The following MYH13 variants were observed in gnomAD, a reference collection of about 807,000 sequenced individuals.
The protein encoded by MYH13 is myosin-13.
In MYH13, 177 loss-of-function variants were observed where a neutral mutation model predicts 232.1. The observed-to-expected ratio is 0.76, with a 90% CI of 0.67 to 0.86. The LOEUF (loss-of-function observed/expected upper bound fraction) is 0.86, where lower values mean the gene tolerates loss of function less well. Ranked by LOEUF, MYH13 falls within the 40% of genes least tolerant of loss-of-function variation. The pLI, the probability that MYH13 is intolerant of heterozygous loss-of-function variation, is 0.00. For synonymous variants in MYH13, 884 were observed against 923.5 expected (o/e 0.96, Z 0.78); for missense variants, 2,246 against 2,405.9 (o/e 0.93, Z 1.39).
chr17:10,303,510 G>T lies in MYH13; in HGVS notation c.5467-12C>A, dbSNP rs1437749132. ...TCCAGCTCCCGCACCTGAGTAGGAT[G>T]AAAGGAACACAGAATTCAAATCTCC... On this transcript the variant is annotated splice_polypyrimidine_tract_variant and intron_variant, in intron 37 of 40. Transcript: ENST00000252172. The T allele has an allele frequency of 6.2e-7, 1 of 1,609,806 alleles. No homozygotes were observed. Among genetic ancestry groups the T allele is most frequent in the East Asian group, 2.2e-5 (1 of 44,866 alleles).
At chr17:10,337,079 T>A (rs796190922) in intron 18 of MYH13, among the ~76,000 whole-genome samples, 10 of 152,214 alleles carry the variant, frequency 6.6e-5, no homozygotes, top group African/African-American at 1.9e-4. Flanking sequence ...CACGCCAGGC[T>A]AATTTTTGTA....
chr17:10,359,143 T>G (rs1051454577), intron 7 of MYH13, among the ~76,000 whole-genome samples: 1 of 152,212 alleles, frequency 6.6e-6, no homozygotes, highest in African/African-American at 2.4e-5. Flanking sequence ...GCTAATGAGA[T>G]GATTGGTGGC....
chr17:10,340,200 G>A lies in MYH13; in HGVS notation c.2006C>T (p.Thr669Ile), dbSNP rs780354461. The A allele has an allele frequency of 1.2e-6, 2 of 1,614,002 alleles. No individual in the cohort carries two copies. Among genetic ancestry groups the A allele is most frequent in the Non-Finnish European group, 1.7e-6 (2 of 1,179,944 alleles). ...LNKLMTNLRS[T>I]HPHFVRCLIP... ...CAGACATCGTACAAAGTGAGGGTGG[G>A]TGCTCCTTAAGTTAGTCATCAATTT... The change falls in exon 18 of 41, where the codon ACC becomes ATC. Residue 669 changes from threonine to isoleucine, a missense_variant. Thr to Ile is a moderately conservative substitution (Grantham distance 89). Transcript: ENST00000252172.
At chr17:10,359,908 T>C in intron 7 of MYH13, 52 bp downstream of exon 7, 2 of 1,522,500 alleles carry the variant, frequency 1.3e-6, no homozygotes, top group Admixed American at 3.3e-5. Flanking sequence ...TCATCCACGC[T>C]TTAAAGTATA....
intron 11 of MYH13, among the ~76,000 whole-genome samples, chr17:10,351,219 T>TAAAAAAAAAAA: frequency 5.0e-5 from 1 of 20,198 alleles, no homozygotes. Flanking sequence ...AGACTCCATC[T>TAAAAAAAAAAA]CAAAAAAAAA....
chr17:10,339,622 C>G (rs192082805), intron 18 of MYH13, among the ~76,000 whole-genome samples: 9 of 152,258 alleles, frequency 5.9e-5, no homozygotes, highest in Admixed American at 5.2e-4. Flanking sequence ...AGCTGTGGCT[C>G]TGATGTGCCT....
intron 21 of MYH13, among the ~76,000 whole-genome samples, chr17:10,329,816 C>T (rs933598163): frequency 6.6e-6 from 1 of 152,086 alleles, no homozygotes; most frequent in Non-Finnish European, 1.5e-5. Context: ...AACCCCATCT[C>T]TAAAACAAAA....
intron 19 of MYH13, among the ~76,000 whole-genome samples, chr17:10,332,662 G>A (rs755400816): frequency 2.0e-5 from 3 of 152,178 alleles, no homozygotes; most frequent in Non-Finnish European, 4.4e-5. Flanking sequence ...GGCCTCAGCT[G>A]GGTGTGATTT....
In MYH13 at chr17:10,329,043, C is replaced by T. The variant is rs530400850; in HGVS notation, c.2436-922G>A. ...CCCACATGATCTCCTCCCCTTCACC[C>T]TCCACAGCTTTATATTTACATAGCT... On this transcript the variant is annotated intron_variant, in intron 21 of 40. Coordinates refer to ENST00000252172, the MANE Select transcript of MYH13 (RefSeq NM_003802.3). Among the ~76,000 whole-genome samples the T allele has an allele frequency of 2.6e-5, 4 of 152,304 alleles. No homozygotes were observed. The South Asian group carries it at 6.2e-4, about 24-fold the overall frequency.
Position 10,345,083 on chromosome 17 carries a change from A to G in MYH13, c.1584+119T>C, listed in dbSNP as rs548685126. On this transcript the variant is annotated intron_variant, in intron 15 of 40. Coordinates refer to ENST00000252172, the MANE Select transcript of MYH13 (RefSeq NM_003802.3). ...TTTGCAAATAGGCATTCAGTTATCTATCTGAAGGCTTGCAGCCTGGGGGCT... is the reference window on the plus strand; with the variant it reads ...TTTGCAAATAGGCATTCAGTTATCTGTCTGAAGGCTTGCAGCCTGGGGGCT... The G allele has an allele frequency of 7.0e-5, 105 of 1,504,686 alleles. No individual in the cohort carries two copies. In the Admixed American group the frequency reaches 1.4e-3, roughly 20 times the overall value. 93.2% of individuals were successfully genotyped at this position (1,504,686 alleles called of 1,614,324 possible). A position where few individuals can be genotyped will look rare whatever the true frequency, so the allele number is the denominator to read the frequency against.
At chr17:10,335,172 G>A (rs899638904) in intron 18 of MYH13, among the ~76,000 whole-genome samples, 2 of 152,154 alleles carry the variant, frequency 1.3e-5, no homozygotes, top group Non-Finnish European at 2.9e-5. Flanking sequence ...AGAATTCCAC[G>A]ACTGACCTCA....
Position 10,311,127 on chromosome 17 carries a change from C to T in MYH13, c.4632G>A (p.Leu1544=), listed in dbSNP as rs1396270323. The change falls in exon 33 of 41, where the codon CTG becomes CTA. Residue 1544 remains leucine (L), a synonymous_variant. Coordinates refer to ENST00000252172, the MANE Select transcript of MYH13 (RefSeq NM_003802.3). ...CCTCCACTTCTTCTAAGGCGACCTGCAGATCTGACTTTTCCTGCTCCACTA... is the reference window on the plus strand; with the variant it reads ...CCTCCACTTCTTCTAAGGCGACCTGTAGATCTGACTTTTCCTGCTCCACTA... ...KKLVEQEKSD[L]QVALEEVEGS... is the part of the protein sequence containing the mutation. 1.1e-5 allele frequency: 18 copies of T among 1,613,912 alleles called. No homozygotes were observed. The highest frequency in any genetic ancestry group is 1.3e-5 in the Non-Finnish European group (15 of 1,179,896).
In MYH13 at chr17:10,321,935, A is replaced by G. The variant is rs145309072; in HGVS notation, c.2935-227T>C. 9.5e-4 allele frequency among the ~76,000 whole-genome samples: 145 copies of G among 152,284 alleles called. 2 individuals are homozygous for G. In the East Asian group the frequency reaches 0.011, roughly 11 times the overall value. Reference sequence around the variant, plus strand: ...ATTATTCATTTAAGGAGGGCATTATATTTTACAAGGAAGGGCGCTTTTAAA... The same window carrying G: ...ATTATTCATTTAAGGAGGGCATTATGTTTTACAAGGAAGGGCGCTTTTAAA... On this transcript the variant is annotated intron_variant, in intron 23 of 40. Transcript: ENST00000252172.
chr17:10,343,114 T>C (rs1480490890), intron 16 of MYH13, among the ~76,000 whole-genome samples: 1 of 146,596 alleles, frequency 6.8e-6, no homozygotes, highest in African/African-American at 2.5e-5. Flanking sequence ...AAAAAAAATC[T>C]GCTCATGGGT....
intron 23 of MYH13, among the ~76,000 whole-genome samples, chr17:10,322,158 C>T (rs180967674): frequency 3.3e-5 from 5 of 152,000 alleles, no homozygotes; most frequent in African/African-American, 7.2e-5. Context: ...TTTGGGAGGC[C>T]GAGGCGGACG....
At chr17:10,305,798 A>G (rs888300413) in intron 37 of MYH13, among the ~76,000 whole-genome samples, 2 of 152,240 alleles carry the variant, frequency 1.3e-5, no homozygotes, top group Non-Finnish European at 2.9e-5. Context: ...TAATAACTGC[A>G]GGATACGCTC....
intron 3 of MYH13, among the ~76,000 whole-genome samples, chr17:10,363,780 G>C (rs2071811945): frequency 3.3e-5 from 5 of 152,168 alleles, no homozygotes. Flanking sequence ...ATAAAAGCAA[G>C]GTCTCTCTCA....
chr17:10,360,251 T>G, intron 5 of MYH13, 63 bp from the exon 6 acceptor site: 2 of 1,560,824 alleles, frequency 1.3e-6, no homozygotes, highest in Non-Finnish European at 1.7e-6. Context: ...TAAAATAAAG[T>G]AACATTGGGG....
intron 15 of MYH13, among the ~76,000 whole-genome samples, chr17:10,344,495 G>A (rs1395767363): frequency 6.6e-6 from 1 of 152,054 alleles, no homozygotes; most frequent in Non-Finnish European, 1.5e-5. Context: ...CATGAGCAGT[G>A]CTCAAATATT....
Sources: gnomAD v4.1 joint callset for allele counts (sites outside exome capture counted in the v4.1 genomes callset) on GRCh38, gnomAD v4.1.1 for gene constraint, MANE v1.5 for transcripts, NCBI Gene and HGNC (gene_info 2026-07-23, HGNC 2026-07-21) for gene names.